The following LYPD6 variants were observed in gnomAD, a reference collection of about 807,000 sequenced individuals.
The protein encoded by LYPD6 is ly6/PLAUR domain-containing protein 6.
In LYPD6, 15 loss-of-function variants were observed where a neutral mutation model predicts 22.7. The observed-to-expected ratio is 0.66, with a 90% CI of 0.44 to 1.02. The LOEUF is 1.02. Among genes scored for constraint, LYPD6 ranks in the 50% least tolerant of loss-of-function variants. LYPD6 has a pLI of 0.00. For synonymous variants in LYPD6, 72 were observed against 77.5 expected (o/e 0.93, Z 0.37); for missense variants, 189 against 208.4 (o/e 0.91, Z 0.57).
chr2:149,428,288 G>A (rs1683228672), intron 1 of LYPD6, among the ~76,000 whole-genome samples: 1 of 152,206 alleles, frequency 6.6e-6, no homozygotes, highest in Admixed American at 6.5e-5. Flanking sequence ...TGGCTGCAAG[G>A]GACAGAATGC....
In LYPD6 at chr2:149,344,678, G is replaced by T. The variant is rs78348108; in HGVS notation, c.-72+13956G>T. Among the ~76,000 whole-genome samples, 155 of 152,194 alleles carry T rather than the reference G, an allele frequency of 1.0e-3. No homozygotes were observed. The Middle Eastern group carries it at 0.017, about 17-fold the overall frequency. ...ACACCAATCTTGGATTTTTTATTTGGCTTCTGCACCAGATTCACCCTTGAC... is the reference window on the plus strand; with the variant it reads ...ACACCAATCTTGGATTTTTTATTTGTCTTCTGCACCAGATTCACCCTTGAC... On this transcript the variant is annotated intron_variant, in intron 1 of 4. Coordinates refer to ENST00000334166, the MANE Select transcript of LYPD6 (RefSeq NM_194317.5).
chr2:149,448,004 A>G (rs375338029), intron 2 of LYPD6, among the ~76,000 whole-genome samples: 4 of 152,298 alleles, frequency 2.6e-5, no homozygotes, highest in African/African-American at 9.6e-5. Flanking sequence ...TTGAAAAACT[A>G]TAGCATAGGC....
rs536439220 is a variant in LYPD6 at position 149,394,877 on chromosome 2, CA to C, written c.-71-42756del. 1.9e-3 allele frequency among the ~76,000 whole-genome samples: 282 copies of C among 152,258 alleles called. 2 individuals are homozygous for C. The highest frequency in any genetic ancestry group is 3.3e-3 in the Non-Finnish European group (224 of 68,018). On this transcript the variant is annotated intron_variant, in intron 1 of 4. Transcript: ENST00000334166. Reference sequence around the variant, plus strand: ...GTATATATTTATGTTTTGTTTTCTACAAAAAGTCACCCTCCAAAGCGGTATT... The same window carrying C: ...GTATATATTTATGTTTTGTTTTCTACAAAAGTCACCCTCCAAAGCGGTATT...
chr2:149,470,913 A>C lies in LYPD6; in HGVS notation c.*63A>C. On this transcript the variant is annotated 3_prime_UTR_variant, in exon 5 of 5. Transcript: ENST00000334166. ...GGATCTCGATGGTCCACAGACCTGC[A>C]TGAGTCATTGGCCTGACAGTAATTA... 6.8e-7 allele frequency: 1 copy of C among 1,462,820 alleles called. No homozygotes were observed. Among genetic ancestry groups the C allele is most frequent in the Non-Finnish European group, 9.4e-7 (1 of 1,059,346 alleles). The allele number at this position is 1,462,820 out of a possible 1,614,324, so 90.6% of individuals were successfully genotyped here.
chr2:149,401,374 A>G (rs1682552013), intron 1 of LYPD6, among the ~76,000 whole-genome samples: 1 of 152,224 alleles, frequency 6.6e-6, no homozygotes, highest in Non-Finnish European at 1.5e-5. Context: ...GATTTGGGAT[A>G]TGTAAGCAGA....
chr2:149,477,624 A>C (rs1354397321), downstream of LYPD6, among the ~76,000 whole-genome samples: 3 of 19,850 alleles, frequency 1.5e-4, no homozygotes, highest in East Asian at 3.5e-3. Context: ...CTGTGTCTCA[A>C]AAAAAAAAAA....
chr2:149,470,505 G>C (rs1267425571), intron 4 of LYPD6, among the ~76,000 whole-genome samples, 178 bp from the exon 5 acceptor site: 1 of 152,128 alleles, frequency 6.6e-6, no homozygotes, highest in Admixed American at 6.5e-5. Context: ...ATGTTGACCA[G>C]ATTGCTTCTA....
intron 3 of LYPD6, among the ~76,000 whole-genome samples, chr2:149,460,987 C>G (rs1275400205): frequency 6.6e-6 from 1 of 151,716 alleles, no homozygotes; most frequent in East Asian, 1.9e-4. Flanking sequence ...AATGCTGAGG[C>G]CGAAATTTAT....
At chr2:149,371,663 G>A (rs1279613624) in intron 1 of LYPD6, among the ~76,000 whole-genome samples, 2 of 152,162 alleles carry the variant, frequency 1.3e-5, no homozygotes, top group Admixed American at 1.3e-4. Flanking sequence ...GCCTGGAATC[G>A]TGTCGTCAGA....
chr2:149,442,890 G>A (rs1480877884), intron 2 of LYPD6, among the ~76,000 whole-genome samples: 2 of 152,122 alleles, frequency 1.3e-5, no homozygotes, highest in East Asian at 3.9e-4. Context: ...GTTCCTACAA[G>A]CAAATATTAA....
At chr2:149,430,901 G>A (rs1683298355) in intron 1 of LYPD6, among the ~76,000 whole-genome samples, 1 of 152,172 alleles carries the variant, frequency 6.6e-6, no homozygotes, top group South Asian at 2.1e-4. Context: ...CTTTGCCTCT[G>A]ACTGATGTAG....
At chr2:149,466,242 C>A (rs1315550933) in intron 3 of LYPD6, among the ~76,000 whole-genome samples, 3 of 152,126 alleles carry the variant, frequency 2.0e-5, no homozygotes, top group Non-Finnish European at 4.4e-5. Context: ...ACTGAAGAAA[C>A]CTGTTCGAGT....
At chr2:149,412,559 C>T (rs1055180422) in intron 1 of LYPD6, among the ~76,000 whole-genome samples, 6 of 152,040 alleles carry the variant, frequency 3.9e-5, no homozygotes, top group Admixed American at 2.0e-4. Flanking sequence ...CCTGCTTTTA[C>T]AGATTCTGTT....
chr2:149,431,694 G>C (rs1196263729), intron 1 of LYPD6, among the ~76,000 whole-genome samples: 3 of 152,104 alleles, frequency 2.0e-5, no homozygotes, highest in Admixed American at 6.5e-5. Context: ...TGCATTGTAT[G>C]CATTTTTTTT....
At chr2:149,369,999 G>A (rs1039032982) in intron 1 of LYPD6, among the ~76,000 whole-genome samples, 5 of 152,014 alleles carry the variant, frequency 3.3e-5, no homozygotes, top group African/African-American at 7.2e-5. Context: ...AGCAGCAGAC[G>A]GGAACGGGCC....
intron 1 of LYPD6, among the ~76,000 whole-genome samples, chr2:149,341,736 C>T (rs1050527963): frequency 6.6e-6 from 1 of 152,144 alleles, no homozygotes; most frequent in Admixed American, 6.6e-5. Context: ...TCTAAGATGG[C>T]ACTTTGTTGC....
intron 3 of LYPD6, among the ~76,000 whole-genome samples, chr2:149,462,794 G>A (rs1681115203): frequency 6.6e-6 from 1 of 152,016 alleles, no homozygotes; most frequent in Non-Finnish European, 1.5e-5. Flanking sequence ...GCAATTCAGT[G>A]GAGGAAAGAC....
chr2:149,380,662 C>T (rs1431521555), intron 1 of LYPD6, among the ~76,000 whole-genome samples: 1 of 152,066 alleles, frequency 6.6e-6, no homozygotes, highest in Non-Finnish European at 1.5e-5. Flanking sequence ...CAGGAGAAAA[C>T]GTTGGGTAAA....
intron 1 of LYPD6, among the ~76,000 whole-genome samples, chr2:149,331,629 C>CG (rs1470668853): frequency 2.0e-5 from 3 of 150,576 alleles, no homozygotes; most frequent in African/African-American, 7.3e-5. Flanking sequence ...ATAATGGGAT[C>CG]GGGGGAGAGA....
Sources: allele counts gnomAD v4.1 joint callset (sites outside exome capture counted in the v4.1 genomes callset), GRCh38; gene constraint gnomAD v4.1.1; transcripts MANE v1.5; gene names NCBI Gene and HGNC (gene_info 2026-07-23, HGNC 2026-07-21).